DIAPH1: variants seen among roughly 807,000 people sequenced by gnomAD.
The protein encoded by DIAPH1 is diaphanous related formin 1, also known as protein diaphanous homolog 1.
DIAPH1 carries 46 observed loss-of-function variants against 140.7 expected under a neutral mutation model. The ratio of observed to expected loss-of-function variants is 0.33; its 90% CI spans 0.26 to 0.42. The LOEUF (loss-of-function observed/expected upper bound fraction) is 0.42, where lower values mean the gene tolerates loss of function less well. Among genes scored for constraint, DIAPH1 ranks in the 10% least tolerant of loss-of-function variants. The pLI, the probability that DIAPH1 is intolerant of heterozygous loss-of-function variation, is 1.00. For missense variants in DIAPH1, 1,310 were observed against 1,558.7 expected, an observed-to-expected ratio of 0.84 and a Z score of 2.69; for synonymous variants, 565 against 551.6, an observed-to-expected ratio of 1.02 and a Z score of -0.34.
At chr5:141,551,456 C>T (rs1350670009) in intron 18 of DIAPH1, among the ~76,000 whole-genome samples, 4 of 151,934 alleles carry the variant, frequency 2.6e-5, no homozygotes, top group Non-Finnish European at 4.4e-5. Context: ...AAAAAAAAGG[C>T]ATCGTGTCTA....
At chr5:141,538,115 C>T (rs2099889353) in intron 18 of DIAPH1, among the ~76,000 whole-genome samples, 1 of 150,880 alleles carries the variant, frequency 6.6e-6, no homozygotes, top group African/African-American at 2.4e-5. Flanking sequence ...GGCTGGAGTG[C>T]AGTGGCGCAA....
Position 141,527,678 on chromosome 5 carries a change from T to C in DIAPH1, c.3168A>G (p.Gln1056=), listed in dbSNP as rs758694508. ...GTTTCTTCATCTGATCTAGGTTCTTTTGCAAGTTTTCAGCAGAAACTAAAA... is the reference window on the plus strand; with the variant it reads ...GTTTCTTCATCTGATCTAGGTTCTTCTGCAAGTTTTCAGCAGAAACTAAAA... The part of the protein sequence containing the change: ...KASRVSAENL[Q]KNLDQMKKQI... Residue 1056 remains glutamine (Q), a synonymous_variant, in exon 24 of 28, where the codon CAA becomes CAG. Coordinates refer to ENST00000389054, the MANE Select transcript of DIAPH1 (RefSeq NM_005219.5). 6.3e-6 allele frequency: 10 copies of C among 1,588,612 alleles called. No homozygotes were observed. The highest frequency in any genetic ancestry group is 4.2e-5 in the African/African-American group (3 of 71,480).
At chr5:141,572,207 A>G (rs1037312187) in intron 16 of DIAPH1, among the ~76,000 whole-genome samples, 167 bp from the exon 17 acceptor site, 10 of 152,326 alleles carry the variant, frequency 6.6e-5, no homozygotes, top group African/African-American at 2.4e-4. Flanking sequence ...TTAGGAGAGA[A>G]TACTTCCAGT....
At chr5:141,575,190 A>C (rs778550362) in intron 14 of DIAPH1, 44 bp from the exon 15 acceptor site, 7 of 1,598,980 alleles carry the variant, frequency 4.4e-6, no homozygotes, top group Admixed American at 1.7e-5. Flanking sequence ...TCTCCATCTC[A>C]GTAAGAAGCA....
chr5:141,566,452 C>T (rs904891349), intron 18 of DIAPH1, among the ~76,000 whole-genome samples: 2 of 152,110 alleles, frequency 1.3e-5, no homozygotes, highest in South Asian at 2.1e-4. Flanking sequence ...GGTGACATAA[C>T]GATGTCATAA....
At chr5:141,614,315 A>T (rs554528267) in intron 1 of DIAPH1, among the ~76,000 whole-genome samples, 3 of 152,312 alleles carry the variant, frequency 2.0e-5, no homozygotes, top group African/African-American at 7.2e-5. Flanking sequence ...TGTGACATAC[A>T]ACTTATCTTT....
intron 1 of DIAPH1, among the ~76,000 whole-genome samples, chr5:141,600,502 C>T (rs1596404091): frequency 1.3e-5 from 2 of 152,200 alleles, no homozygotes; most frequent in African/African-American, 2.4e-5. Context: ...AACTGCTGAA[C>T]TCTGGAATTT....
rs896717236 is a variant in DIAPH1, at chr5:141,529,041, C to G, written c.2779-100G>C. The stretch of plus-strand genomic sequence containing the variant: ...CTATGGGAGGATCACAGCTCCAGAG[C>G]AGGGAGAAGAGAGAGATTAAGACAG... On this transcript the variant is annotated intron_variant, in intron 21 of 27. Transcript: ENST00000389054. 4.4e-6 allele frequency: 7 copies of G among 1,588,064 alleles called. No homozygotes were observed. The African/African-American group carries it at 9.4e-5, about 21-fold the overall frequency.
rs2099885750 is a variant in DIAPH1, at chr5:141,516,765, A to G, written c.*86T>C. On this transcript the variant is annotated 3_prime_UTR_variant, in exon 28 of 28. Transcript: ENST00000389054. ...TGGTGGGAGTGGCCACCCCAGAGGA[A>G]TATCCCCTTGAGCCTTTAGGCACAT... is the stretch of plus-strand genomic sequence containing the variant. 6.5e-7 allele frequency: 1 copy of G among 1,526,938 alleles called. No individual in the cohort carries two copies. Among genetic ancestry groups the G allele is most frequent in the Non-Finnish European group, 9.0e-7 (1 of 1,109,008 alleles). 94.6% of individuals were successfully genotyped at this position (1,526,938 alleles called of 1,614,324 possible). A position where few individuals can be genotyped will look rare whatever the true frequency, so the allele number is the denominator to read the frequency against.
Position 141,583,236 on chromosome 5 carries a change from C to T in DIAPH1, c.590G>A (p.Arg197Gln), listed in dbSNP as rs763948267. ...AGTCTCTTCTTTCTCATCATGAAGTCGTTTAAGAATGTCCAATAAGGAGGC... is the reference window on the plus strand; with the variant it reads ...AGTCTCTTCTTTCTCATCATGAAGTTGTTTAAGAATGTCCAATAAGGAGGC... ...GLASLLDILK[R>Q]LHDEKEETAG... is the part of the protein sequence containing the mutation. The change falls in exon 6 of 28, where the codon CGA (arginine) becomes CAA (glutamine). Residue 197 changes from arginine (R) to glutamine (Q), a missense_variant. Arg to Gln is a conservative substitution (Grantham distance 43, BLOSUM62 1). Around this residue, in one of 3 missense-constraint regions of DIAPH1, gnomAD observed 377 missense variants for 497.1 expected, o/e 0.76. Transcript: ENST00000389054. The T allele has an allele frequency of 1.4e-5, 22 of 1,614,122 alleles. No homozygotes were observed. In the South Asian group the frequency reaches 2.1e-4, roughly 15 times the overall value.
At chr5:141,578,369 G>A (rs1470551412) in intron 10 of DIAPH1, 26 bp from the exon 11 acceptor site, 2 of 1,594,740 alleles carry the variant, frequency 1.3e-6, no homozygotes, top group Non-Finnish European at 1.7e-6. Context: ...GTAGAAGTCA[G>A]GGAACCCAAA....
In DIAPH1 at chr5:141,518,750, T is replaced by C. The variant is rs140802985; in HGVS notation, c.3662-1742A>G. ...GTTGTCTAGGCTGGTCTTGAACTCCTGGGCTCAAGCAATCCTCCCACCTTG... is the reference window on the plus strand; with the variant it reads ...GTTGTCTAGGCTGGTCTTGAACTCCCGGGCTCAAGCAATCCTCCCACCTTG... On this transcript the variant is annotated intron_variant, in intron 27 of 27. Coordinates refer to ENST00000389054, the MANE Select transcript of DIAPH1 (RefSeq NM_005219.5). 8.5e-3 allele frequency: 5,320 copies of C among 629,212 alleles called. 29 individuals are homozygous for C. The highest frequency in any genetic ancestry group is 0.012 in the Non-Finnish European group (4,125 of 351,588). 39.0% of individuals were successfully genotyped at this position (629,212 alleles called of 1,614,324 possible).
chr5:141,526,177 G>C lies in DIAPH1; in HGVS notation c.3439-4C>G, dbSNP rs1323942935. On this transcript the variant is annotated splice_polypyrimidine_tract_variant and splice_region_variant and intron_variant, in intron 25 of 27. Transcript: ENST00000389054. ...TCTGGTTCTCCTTGACTGCTTGCTGGGGCAGGGAAGAGGAGGAAGGAACAC... is the reference window on the plus strand; with the variant it reads ...TCTGGTTCTCCTTGACTGCTTGCTGCGGCAGGGAAGAGGAGGAAGGAACAC... 2 of 1,613,856 alleles carry C rather than the reference G, an allele frequency of 1.2e-6. No individual in the cohort carries two copies. Among genetic ancestry groups the C allele is most frequent in the African/African-American group, 1.3e-5 (1 of 74,830 alleles).
chr5:141,552,102 T>C (rs750464814), intron 18 of DIAPH1, among the ~76,000 whole-genome samples: 2 of 152,196 alleles, frequency 1.3e-5, no homozygotes, highest in Admixed American at 6.5e-5. Flanking sequence ...AGAAGAGACT[T>C]TGCAGGCATG....
chr5:141,577,258 C>T (rs796739556), intron 12 of DIAPH1, among the ~76,000 whole-genome samples: 33 of 152,308 alleles, frequency 2.2e-4, no homozygotes, highest in African/African-American at 6.7e-4. Flanking sequence ...AAAAACAGAA[C>T]GGCATTTCAC....
intron 18 of DIAPH1, among the ~76,000 whole-genome samples, chr5:141,549,087 T>C (rs1033364696): frequency 1.3e-5 from 2 of 151,952 alleles, no homozygotes; most frequent in South Asian, 4.1e-4. Context: ...CTCAAATGGA[T>C]TAAATATATG....
At chr5:141,520,325 G>A (rs1252862697) in intron 27 of DIAPH1, among the ~76,000 whole-genome samples, 1 of 152,202 alleles carries the variant, frequency 6.6e-6, no homozygotes, top group Non-Finnish European at 1.5e-5. Flanking sequence ...TGGTTTGGAT[G>A]TATGACCCCT....
At chr5:141,584,047 T>C (rs963648717) in intron 4 of DIAPH1, 77 bp downstream of exon 4, 3 of 868,650 alleles carry the variant, frequency 3.5e-6, no homozygotes, top group Admixed American at 2.0e-5. Context: ...AAATGTTACA[T>C]AAAATTGGCA....
At chr5:141,566,370 G>A (rs1469723760) in intron 18 of DIAPH1, among the ~76,000 whole-genome samples, 1 of 152,180 alleles carries the variant, frequency 6.6e-6, no homozygotes, top group African/African-American at 2.4e-5. Flanking sequence ...GTGGATATGA[G>A]TCAAGAGCTA....
Sources: gnomAD v4.1 joint callset for allele counts (sites outside exome capture counted in the v4.1 genomes callset) on GRCh38, gnomAD v4.1.1 for gene constraint, gnomAD v4.1.1 regional missense constraint, MANE v1.5 for transcripts, NCBI Gene and HGNC (gene_info 2026-07-23, HGNC 2026-07-21) for gene names.